Variants in SH3GL2 observed in about 807,000 individuals in gnomAD.
The protein encoded by SH3GL2 is endophilin-A1.
Under a neutral mutation model 46.0 loss-of-function variants are expected in SH3GL2, and 24 were observed. The observed-to-expected ratio is 0.52, with a 90% CI of 0.38 to 0.73. The LOEUF (loss-of-function observed/expected upper bound fraction) is 0.73, where lower values mean the gene tolerates loss of function less well. SH3GL2 is among the 30% of genes least tolerant of loss of function. The probability of loss-of-function intolerance (pLI) is 0.00; values close to 1 mark genes in which losing one functional copy is unlikely to be tolerated. For missense variants in SH3GL2, 413 were observed against 424.2 expected (o/e 0.97, Z 0.23); for synonymous variants, 196 against 147.1 (o/e 1.33, Z -2.40).
At chr9:17,647,748 C>T (rs1819854876) in intron 1 of SH3GL2, among the ~76,000 whole-genome samples, 1 of 152,140 alleles carries the variant, frequency 6.6e-6, no homozygotes, top group African/African-American at 2.4e-5. Context: ...TGGAGCATGG[C>T]ATGTAAGCAC....
chr9:17,774,809 A>G (rs868101221), intron 3 of SH3GL2, among the ~76,000 whole-genome samples: 7 of 152,194 alleles, frequency 4.6e-5, no homozygotes, highest in African/African-American at 1.7e-4. Context: ...TCATAGAATG[A>G]GCAGGAAATT....
At chr9:17,775,573 G>A (rs1045824137) in intron 3 of SH3GL2, among the ~76,000 whole-genome samples, 23 of 152,110 alleles carry the variant, frequency 1.5e-4, no homozygotes, top group African/African-American at 5.6e-4. Flanking sequence ...TAAGTTTCTG[G>A]ACCAGATAGT....
At chr9:17,686,515 A>G (rs1820914846) in intron 1 of SH3GL2, among the ~76,000 whole-genome samples, 1 of 147,518 alleles carries the variant, frequency 6.8e-6, no homozygotes. Context: ...CATTATCCAC[A>G]ATAGCAAAGA....
intron 1 of SH3GL2, among the ~76,000 whole-genome samples, chr9:17,591,786 CTG>C (rs1481336501): frequency 6.6e-6 from 1 of 152,178 alleles, no homozygotes; most frequent in Admixed American, 6.5e-5. Flanking sequence ...TCCAGTAAAA[CTG>C]TGTCTACTGG....
chr9:17,713,510 T>C (rs1821681306), intron 1 of SH3GL2, among the ~76,000 whole-genome samples: 1 of 151,386 alleles, frequency 6.6e-6, no homozygotes, highest in Admixed American at 6.6e-5. Flanking sequence ...TTTTATTCTT[T>C]TCTAACACAG....
In SH3GL2 at chr9:17,678,680, G is replaced by C. The variant is rs185102378; in HGVS notation, c.46-68386G>C. On this transcript the variant is annotated intron_variant, in intron 1 of 8. Coordinates refer to ENST00000380607, the MANE Select transcript of SH3GL2 (RefSeq NM_003026.5). Reference sequence around the variant, plus strand: ...TTTGTCTTTTGTTGCCATTGCTTTTGGTGTTTTAGACATGAAGTCCTTGCC... The same window carrying C: ...TTTGTCTTTTGTTGCCATTGCTTTTCGTGTTTTAGACATGAAGTCCTTGCC... Among the ~76,000 whole-genome samples, 52 of 152,244 alleles carry C rather than the reference G, an allele frequency of 3.4e-4. 1 individual carries two copies. The highest frequency in any genetic ancestry group is 1.3e-3 in the African/African-American group (52 of 41,536).
intron 1 of SH3GL2, among the ~76,000 whole-genome samples, chr9:17,581,671 T>A (rs1818279218): frequency 6.6e-6 from 1 of 152,210 alleles, no homozygotes; most frequent in South Asian, 2.1e-4. Context: ...ATGTGCTGGA[T>A]AATATAGCCT....
rs192518173 is a variant in SH3GL2, at chr9:17,579,130, C to T, written c.-113C>T. 11 of 643,048 alleles carry T rather than the reference C, an allele frequency of 1.7e-5. No individual in the cohort carries two copies. The highest frequency in any genetic ancestry group is 3.6e-5 in the East Asian group (1 of 27,938). 39.8% of individuals were successfully genotyped at this position (643,048 alleles called of 1,614,324 possible). On this transcript the variant is annotated 5_prime_UTR_variant, in exon 1 of 9. Coordinates refer to ENST00000380607, the MANE Select transcript of SH3GL2 (RefSeq NM_003026.5). ...CTCCGCGCCCTCGCGCCCATAGCCC[C>T]GGCGGCGGCACGACCAGAGGCGGCC...
chr9:17,787,314 G>A, intron 4 of SH3GL2, 66 bp from the exon 5 acceptor site: 2 of 1,333,686 alleles, frequency 1.5e-6, no homozygotes, highest in Admixed American at 1.9e-5. Context: ...ATCTGTGAAG[G>A]GCCCTGTTAT....
chr9:17,622,388 G>A (rs1339169820), intron 1 of SH3GL2, among the ~76,000 whole-genome samples: 1 of 152,150 alleles, frequency 6.6e-6, no homozygotes, highest in African/African-American at 2.4e-5. Flanking sequence ...AATAATTTCA[G>A]TAGCATTCTT....
intron 3 of SH3GL2, among the ~76,000 whole-genome samples, chr9:17,782,228 C>T (rs1823830061): frequency 6.6e-6 from 1 of 152,006 alleles, no homozygotes; most frequent in Admixed American, 6.6e-5. Flanking sequence ...CTTTTTTAAA[C>T]TCCTTGGTGT....
At chr9:17,727,823 C>T (rs1349060763) in intron 1 of SH3GL2, among the ~76,000 whole-genome samples, 1 of 152,118 alleles carries the variant, frequency 6.6e-6, no homozygotes, top group East Asian at 1.9e-4. Flanking sequence ...CCTTCCCTTT[C>T]CCTGCCCCAC....
intron 1 of SH3GL2, among the ~76,000 whole-genome samples, chr9:17,618,715 A>G (rs1194812296): frequency 6.6e-6 from 1 of 152,130 alleles, no homozygotes; most frequent in African/African-American, 2.4e-5. Flanking sequence ...ACTTGGAAAC[A>G]CTTTGGTCCC....
intron 1 of SH3GL2, among the ~76,000 whole-genome samples, chr9:17,584,506 T>C (rs373387712): frequency 6.6e-6 from 1 of 152,040 alleles, no homozygotes; most frequent in Admixed American, 6.6e-5. Context: ...CTGTTTCAAA[T>C]AAATAAATAA....
At chr9:17,761,145 G>A (rs1435047722) in intron 2 of SH3GL2, among the ~76,000 whole-genome samples, 1 of 152,084 alleles carries the variant, frequency 6.6e-6, no homozygotes, top group Non-Finnish European at 1.5e-5. Flanking sequence ...GACAAAATAT[G>A]TTTCATTTTA....
At chr9:17,657,331 A>C (rs781231032) in intron 1 of SH3GL2, among the ~76,000 whole-genome samples, 3 of 152,120 alleles carry the variant, frequency 2.0e-5, no homozygotes, top group Non-Finnish European at 2.9e-5. Flanking sequence ...ACCTGTTGTA[A>C]AATCTGGAGC....
Position 17,721,297 on chromosome 9 carries a change from A to G in SH3GL2, c.46-25769A>G, listed in dbSNP as rs547300906. Among the ~76,000 whole-genome samples the G allele has an allele frequency of 3.9e-5, 6 of 152,268 alleles. No individual in the cohort carries two copies. The South Asian group carries it at 1.2e-3, about 32-fold the overall frequency. ...TTTATTTCAGGATTACAAAAGTAAT[A>G]TGTATTTATTGGGAAAAGTATAAAC... is the stretch of plus-strand genomic sequence containing the variant. On this transcript the variant is annotated intron_variant, in intron 1 of 8. Transcript: ENST00000380607.
At chr9:17,588,251 TG>T (rs138094833) in intron 1 of SH3GL2, among the ~76,000 whole-genome samples, 2,557 of 152,292 alleles carry the variant, frequency 0.017, 75 homozygotes, top group African/African-American at 0.058. Context: ...AAGCCAGGCC[TG>T]GAAGAGGAAT....
In SH3GL2 at chr9:17,614,554, G is replaced by A. The variant is rs148401659; in HGVS notation, c.45+35267G>A. On this transcript the variant is annotated intron_variant, in intron 1 of 8. Coordinates refer to ENST00000380607, the MANE Select transcript of SH3GL2 (RefSeq NM_003026.5). The stretch of plus-strand genomic sequence containing the variant: ...CATAGGGCAAACTCAGGGGGAAAAG[G>A]GCAGGCACCCAACATTCTATGAGAA... 8.6e-3 allele frequency among the ~76,000 whole-genome samples: 1,308 copies of A among 152,176 alleles called. 10 individuals are homozygous for A. The highest frequency in any genetic ancestry group is 0.013 in the Admixed American group (206 of 15,288).
Sources: gnomAD v4.1 joint callset for allele counts (sites outside exome capture counted in the v4.1 genomes callset) on GRCh38, gnomAD v4.1.1 for gene constraint, MANE v1.5 for transcripts, NCBI Gene and HGNC (gene_info 2026-07-23, HGNC 2026-07-21) for gene names.